The following NCOA6 variants were observed in gnomAD, a reference collection of about 807,000 sequenced individuals.
The protein encoded by NCOA6 is nuclear receptor coactivator 6, also known as NRC RAP250.
In NCOA6, 49 loss-of-function variants were observed where a neutral mutation model predicts 171.4. That is an observed-to-expected ratio of 0.29 (90% confidence interval 0.23 to 0.36). The LOEUF is 0.36. NCOA6 is among the 10% of genes least tolerant of loss of function. The pLI, the probability that NCOA6 is intolerant of heterozygous loss-of-function variation, is 1.00. For synonymous variants in NCOA6, 910 were observed against 927.5 expected, an observed-to-expected ratio of 0.98 and a Z score of 0.34; for missense variants, 2,248 against 2,554.5, an observed-to-expected ratio of 0.88 and a Z score of 2.59.
intron 1 of NCOA6, among the ~76,000 whole-genome samples, chr20:34,802,716 T>C (rs775880521): frequency 6.6e-6 from 1 of 152,058 alleles, no homozygotes; most frequent in Non-Finnish European, 1.5e-5. Flanking sequence ...CTAAGCAAAA[T>C]ATAGGTTTAA....
intron 1 of NCOA6, among the ~76,000 whole-genome samples, chr20:34,803,637 C>CTG (rs1468998490): frequency 6.6e-6 from 1 of 152,076 alleles, no homozygotes; most frequent in African/African-American, 2.4e-5. Flanking sequence ...TAACCATAAG[C>CTG]TTAACAATCT....
At chr20:34,728,790 T>C (rs961393367) in intron 13 of NCOA6, among the ~76,000 whole-genome samples, 7 of 152,142 alleles carry the variant, frequency 4.6e-5, no homozygotes, top group Admixed American at 4.6e-4. Context: ...AAAAATCATG[T>C]TGTAGATTAT....
chr20:34,720,022 G>A (rs1013989923), intron 14 of NCOA6, among the ~76,000 whole-genome samples: 12 of 152,124 alleles, frequency 7.9e-5, no homozygotes, highest in Non-Finnish European at 1.8e-4. Flanking sequence ...GGACACCCAG[G>A]GCTGCTGATA....
chr20:34,766,788 T>A (rs2076997060), intron 5 of NCOA6, among the ~76,000 whole-genome samples: 1 of 152,174 alleles, frequency 6.6e-6, no homozygotes, highest in African/African-American at 2.4e-5. Context: ...GGAGTTGAGA[T>A]TAGAACCCAG....
intron 5 of NCOA6, among the ~76,000 whole-genome samples, chr20:34,765,180 C>T (rs932387708): frequency 7.9e-5 from 12 of 151,156 alleles, no homozygotes; most frequent in African/African-American, 2.9e-4. Context: ...TGGCTGGGCG[C>T]GATGGCTCAC....
At chr20:34,781,073 A>AAT in intron 3 of NCOA6, among the ~76,000 whole-genome samples, 1 of 152,360 alleles carries the variant, frequency 6.6e-6, no homozygotes, top group East Asian at 1.9e-4. Flanking sequence ...AGACCTTTAT[A>AAT]ATATATAACT....
At chr20:34,766,760 T>C (rs1012369925) in intron 5 of NCOA6, among the ~76,000 whole-genome samples, 2 of 152,184 alleles carry the variant, frequency 1.3e-5, no homozygotes, top group Non-Finnish European at 2.9e-5. Flanking sequence ...AGTCAGTACA[T>C]ATTAAGTCCT....
chr20:34,771,020 T>C (rs967181487), intron 4 of NCOA6, among the ~76,000 whole-genome samples: 1 of 152,242 alleles, frequency 6.6e-6, no homozygotes. Flanking sequence ...ACATATGCAA[T>C]TTAAAATTTT....
At chr20:34,811,980 T>G (rs2146633792) in intron 1 of NCOA6, among the ~76,000 whole-genome samples, 1 of 152,268 alleles carries the variant, frequency 6.6e-6, no homozygotes, top group East Asian at 1.9e-4. Flanking sequence ...CCGGGCACGG[T>G]GGCTCATGCC....
chr20:34,768,569 G>C lies in NCOA6; in HGVS notation c.409C>G (p.Leu137Val). 6.2e-7 allele frequency: 1 copy of C among 1,613,808 alleles called. No homozygotes were observed. The change falls in exon 5 of 15, where the codon CTG becomes GTG. Residue 137 changes from leucine to valine, a missense_variant. By Grantham distance (32) the Leu-to-Val change is conservative. Transcript: ENST00000359003. ...VQIEGEGAINLALAQNRSQDV... is the reference protein window; with the variant it reads ...VQIEGEGAINVALAQNRSQDV... ...TGGCTTCGGTTCTGAGCCAAAGCCAGGTTAATAGCACCTTCCCCTGAAAAT... is the reference window on the plus strand; with the variant it reads ...TGGCTTCGGTTCTGAGCCAAAGCCACGTTAATAGCACCTTCCCCTGAAAAT...
In NCOA6 at chr20:34,750,520, C is replaced by T; in HGVS notation, c.1676-1G>A. 1 of 1,542,632 alleles carries T rather than the reference C, an allele frequency of 6.5e-7. No homozygotes were observed. The highest frequency in any genetic ancestry group is 1.2e-5 in the South Asian group (1 of 81,094). On this transcript the variant is annotated splice_acceptor_variant, in intron 8 of 14. Coordinates refer to ENST00000359003, the MANE Select transcript of NCOA6 (RefSeq NM_014071.5). LOFTEE classifies it high-confidence loss of function. ...TGAGGAGGACCAGCTCCTTGACCAC[C>T]TTAAAAAAAAAAAAAGTCACAGTTT... is the stretch of plus-strand genomic sequence containing the variant.
intron 10 of NCOA6, among the ~76,000 whole-genome samples, chr20:34,745,812 T>C (rs184838413): frequency 1.3e-5 from 2 of 152,302 alleles, no homozygotes; most frequent in Admixed American, 6.5e-5. Context: ...TATAGAGATA[T>C]TGTGGCAGCT....
Position 34,825,581 on chromosome 20 carries a change from TCCCGCCGCCCGCGCCCGGCCG to T in NCOA6, c.-294_-274del, listed in dbSNP as rs2079131076. On this transcript the variant is annotated 5_prime_UTR_variant, in exon 1 of 15. Coordinates refer to ENST00000359003, the MANE Select transcript of NCOA6 (RefSeq NM_014071.5). ...GTCAGTCCTCGCGTGCGCCCGTCTG[TCCCGCCGCCCGCGCCCGGCCG>T]CCCGCAGCCCGACCCGGCAGGGCCT... is the stretch of plus-strand genomic sequence containing the variant. 7.0e-6 allele frequency: 1 copy of T among 143,096 alleles called. No homozygotes were observed. The highest frequency in any genetic ancestry group is 2.3e-4 in the South Asian group (1 of 4,324). The allele number at this position is 143,096 out of a possible 1,614,324, so 8.9% of individuals were successfully genotyped here. A position where few individuals can be genotyped will look rare whatever the true frequency, so the allele number is the denominator to read the frequency against.
At chr20:34,734,315 T>C (rs6060023) in intron 12 of NCOA6, among the ~76,000 whole-genome samples, 128,739 of 152,068 alleles carry the variant, frequency 0.85, 54,679 homozygotes, top group Admixed American at 0.91. Flanking sequence ...CTGCCCGCCT[T>C]GGCCTCCCAA....
intron 1 of NCOA6, among the ~76,000 whole-genome samples, chr20:34,812,279 A>G (rs960806715): frequency 6.6e-6 from 1 of 151,770 alleles, no homozygotes. Flanking sequence ...CAACAAAAAA[A>G]CTATTTCATG....
intron 8 of NCOA6, among the ~76,000 whole-genome samples, chr20:34,751,837 G>A (rs545004361): frequency 6.6e-6 from 1 of 152,230 alleles, no homozygotes; most frequent in South Asian, 2.1e-4. Flanking sequence ...CCGTTTAACT[G>A]AATAACTTTG....
chr20:34,786,436 T>C (rs977311304), intron 2 of NCOA6, among the ~76,000 whole-genome samples: 3 of 152,178 alleles, frequency 2.0e-5, no homozygotes, highest in African/African-American at 7.2e-5. Flanking sequence ...TTAGTTGAGA[T>C]GTTAGGTTGT....
intron 8 of NCOA6, 59 bp downstream of exon 8, chr20:34,754,663 A>G: frequency 5.6e-6 from 9 of 1,601,086 alleles, no homozygotes; most frequent in Middle Eastern, 1.7e-4. Context: ...CCTGTTGTCT[A>G]TCAAGTCTAC....
rs150352396 is a variant in NCOA6 at position 34,741,056 on chromosome 20, G to T, written c.5200C>A (p.Leu1734Ile). 1.2e-6 allele frequency: 2 copies of T among 1,614,238 alleles called. No individual in the cohort carries two copies. The highest frequency in any genetic ancestry group is 2.7e-5 in the African/African-American group (2 of 75,062). ...PNIQTGRPLVLSSRATPVQLP... is the reference protein window; with the variant it reads ...PNIQTGRPLVISSRATPVQLP... ...TGAACAGGGGTGGCTCGTGAGCTAA[G>T]GACCAAAGGTCGACCTGTCTGGATG... The change falls in exon 11 of 15, where the codon CTT becomes ATT. Residue 1734 changes from leucine (L) to isoleucine (I), a missense_variant. Leu to Ile is a conservative substitution (Grantham distance 5). This residue lies in a region of NCOA6 where 884 missense variants were observed against 941.9 expected (regional missense o/e 0.94). Coordinates refer to ENST00000359003, the MANE Select transcript of NCOA6 (RefSeq NM_014071.5).
Sources: allele counts gnomAD v4.1 joint callset (sites outside exome capture counted in the v4.1 genomes callset), GRCh38; gene constraint gnomAD v4.1.1; regional missense constraint gnomAD v4.1.1; transcripts MANE v1.5; gene names NCBI Gene and HGNC (gene_info 2026-07-23, HGNC 2026-07-21).